The following ST8SIA6 variants were observed in gnomAD, a reference collection of about 807,000 sequenced individuals.
The protein encoded by ST8SIA6 is alpha-2,8-sialyltransferase 8F.
Under a neutral mutation model 33.6 loss-of-function variants are expected in ST8SIA6, and 39 were observed. The ratio of observed to expected loss-of-function variants is 1.16; its 90% CI spans 0.90 to 1.52. The LOEUF is 1.52. ST8SIA6 is among the 40% of genes most tolerant of loss of function. The pLI, the probability that ST8SIA6 is intolerant of heterozygous loss-of-function variation, is 0.00. For missense variants in ST8SIA6, 441 were observed against 443.8 expected, an observed-to-expected ratio of 0.99 and a Z score of 0.06; for synonymous variants, 172 against 167.2, an observed-to-expected ratio of 1.03 and a Z score of -0.22.
chr10:17,353,381 G>A (rs1849094218), intron 4 of ST8SIA6, among the ~76,000 whole-genome samples: 1 of 152,074 alleles, frequency 6.6e-6, no homozygotes, highest in Non-Finnish European at 1.5e-5. Flanking sequence ...ATCATTAAAT[G>A]GTATGGTTTG....
chr10:17,421,924 A>C (rs945953333), intron 2 of ST8SIA6, among the ~76,000 whole-genome samples: 3 of 152,200 alleles, frequency 2.0e-5, no homozygotes, highest in Non-Finnish European at 4.4e-5. Context: ...CCATCAAAGT[A>C]TAAAGGAAAC....
chr10:17,391,093 G>T (rs1564440225), intron 2 of ST8SIA6, among the ~76,000 whole-genome samples: 1 of 152,006 alleles, frequency 6.6e-6, no homozygotes, highest in Admixed American at 6.6e-5. Context: ...CTCGACCTTA[G>T]ATGATCCATC....
intron 5 of ST8SIA6, among the ~76,000 whole-genome samples, chr10:17,327,446 G>T (rs1848170059): frequency 6.6e-6 from 1 of 152,092 alleles, no homozygotes; most frequent in Non-Finnish European, 1.5e-5. Flanking sequence ...AATTAGCTGG[G>T]CGTGGTGGTG....
In ST8SIA6 at chr10:17,415,431, TTGA is replaced by T. The variant is rs1313174919; in HGVS notation, c.201-24814_201-24812del. On this transcript the variant is annotated intron_variant, in intron 2 of 7. Transcript: ENST00000377602. Reference sequence around the variant, plus strand: ...CTATCCCAGGAAAAGAAGACTAGAATTGATGACACACCAGGAGTCCAGATGGGC... The same window carrying T: ...CTATCCCAGGAAAAGAAGACTAGAATTGACACACCAGGAGTCCAGATGGGC... Among the ~76,000 whole-genome samples, 12 of 152,302 alleles carry T rather than the reference TTGA, an allele frequency of 7.9e-5. No homozygotes were observed. The East Asian group carries it at 1.9e-3, about 25-fold the overall frequency.
chr10:17,338,853 T>A (rs1461862144), intron 4 of ST8SIA6, among the ~76,000 whole-genome samples: 1 of 152,216 alleles, frequency 6.6e-6, no homozygotes, highest in Non-Finnish European at 1.5e-5. Flanking sequence ...TGCCCATCCA[T>A]GTGGCATCCC....
chr10:17,385,748 C>T (rs1850317102), intron 3 of ST8SIA6, among the ~76,000 whole-genome samples: 1 of 152,106 alleles, frequency 6.6e-6, no homozygotes, highest in South Asian at 2.1e-4. Context: ...GGCTCAGAAG[C>T]CTGACAGAGG....
At chr10:17,380,751 G>A (rs944720999) in intron 3 of ST8SIA6, among the ~76,000 whole-genome samples, 9 of 148,558 alleles carry the variant, frequency 6.1e-5, no homozygotes, top group Non-Finnish European at 1.5e-5. Flanking sequence ...GTGTGTGTAT[G>A]TGTTCATGTT....
intron 3 of ST8SIA6, among the ~76,000 whole-genome samples, chr10:17,368,407 C>CAA (rs200826980): frequency 0.22 from 15,835 of 70,956 alleles, 2,681 homozygotes; most frequent in African/African-American, 0.31. Context: ...AGCTCTGTCT[C>CAA]AAAAAAAAAA....
intron 2 of ST8SIA6, among the ~76,000 whole-genome samples, chr10:17,403,289 G>A (rs2131682033): frequency 6.6e-6 from 1 of 152,254 alleles, no homozygotes. Flanking sequence ...ACCCTAATTA[G>A]GAAATGGTGT....
At chr10:17,425,951 A>G (rs1427971890) in intron 2 of ST8SIA6, among the ~76,000 whole-genome samples, 3 of 152,150 alleles carry the variant, frequency 2.0e-5, no homozygotes, top group African/African-American at 4.8e-5. Flanking sequence ...CTCTTTTTCC[A>G]CAGATAAGGT....
intron 6 of ST8SIA6, among the ~76,000 whole-genome samples, chr10:17,325,787 C>G (rs1368703898): frequency 6.6e-6 from 1 of 152,086 alleles, no homozygotes; most frequent in Non-Finnish European, 1.5e-5. Flanking sequence ...CTCTCATCAG[C>G]AAGTGTGGAA....
At chr10:17,413,518 T>A (rs1418884614) in intron 2 of ST8SIA6, 2 of 152,170 alleles carry the variant, frequency 1.3e-5, no homozygotes, top group Admixed American at 1.3e-4. Context: ...CGCTTCTGTC[T>A]AATCATTGCT....
intron 2 of ST8SIA6, among the ~76,000 whole-genome samples, chr10:17,397,759 T>C (rs2131673579): frequency 6.6e-6 from 1 of 152,316 alleles, no homozygotes; most frequent in Non-Finnish European, 1.5e-5. Context: ...TTACAGAATT[T>C]GTTTGGTACT....
chr10:17,429,639 C>G (rs1410508614), intron 2 of ST8SIA6, among the ~76,000 whole-genome samples: 2 of 152,006 alleles, frequency 1.3e-5, no homozygotes, highest in Non-Finnish European at 1.5e-5. Context: ...TGCATGCCAC[C>G]GTGCTCAGCT....
chr10:17,433,295 C>T (rs1852156969), intron 2 of ST8SIA6, among the ~76,000 whole-genome samples: 1 of 152,048 alleles, frequency 6.6e-6, no homozygotes, highest in Non-Finnish European at 1.5e-5. Context: ...ACACACACAC[C>T]CTTGCTTAAA....
chr10:17,437,640 TC>T (rs1405011543), intron 2 of ST8SIA6, among the ~76,000 whole-genome samples: 43 of 136,478 alleles, frequency 3.2e-4, no homozygotes, highest in African/African-American at 8.8e-4. Flanking sequence ...CTTCCTTCCT[TC>T]CTTCCTTCCT....
At chr10:17,444,508 C>T (rs972998078) in intron 2 of ST8SIA6, among the ~76,000 whole-genome samples, 2 of 152,182 alleles carry the variant, frequency 1.3e-5, no homozygotes, top group Admixed American at 1.3e-4. Flanking sequence ...ACCCAGTCCA[C>T]AGAGGAAAGG....
intron 5 of ST8SIA6, among the ~76,000 whole-genome samples, chr10:17,329,723 A>G (rs1848237895): frequency 2.0e-5 from 3 of 152,230 alleles, no homozygotes; most frequent in Non-Finnish European, 4.4e-5. Context: ...AACTGGGAGG[A>G]AAACATCTAT....
At chr10:17,375,526 C>T (rs1238456247) in intron 3 of ST8SIA6, among the ~76,000 whole-genome samples, 1 of 152,184 alleles carries the variant, frequency 6.6e-6, no homozygotes, top group East Asian at 1.9e-4. Context: ...TTATGCCACC[C>T]CATGAGGAAC....
Sources: allele counts gnomAD v4.1 joint callset (sites outside exome capture counted in the v4.1 genomes callset), GRCh38; gene constraint gnomAD v4.1.1; transcripts MANE v1.5; gene names NCBI Gene and HGNC (gene_info 2026-07-23, HGNC 2026-07-21).